Variants in A1CF observed in about 807,000 individuals in gnomAD.
A1CF encodes the protein APOBEC1 complementation factor, also known as APOBEC-1 stimulating protein.
Under a neutral mutation model 68.9 loss-of-function variants are expected in A1CF, and 48 were observed. The observed-to-expected ratio is 0.70, with a 90% CI of 0.55 to 0.89. A1CF has a LOEUF of 0.89. Ranked by LOEUF, A1CF falls within the 40% of genes least tolerant of loss-of-function variation. A1CF has a pLI of 0.00. For missense variants in A1CF, 653 were observed against 718.9 expected (o/e 0.91, Z 1.05); for synonymous variants, 272 against 260.4 (o/e 1.04, Z -0.43).
intron 7 of A1CF, among the ~76,000 whole-genome samples, chr10:50,825,544 C>G (rs940916761): frequency 6.6e-6 from 1 of 152,094 alleles, no homozygotes; most frequent in Non-Finnish European, 1.5e-5. Context: ...CCATGGAGCC[C>G]TTTTATCAGC....
intron 7 of A1CF, among the ~76,000 whole-genome samples, chr10:50,825,495 T>C (rs939799484): frequency 8.5e-5 from 13 of 152,194 alleles, no homozygotes; most frequent in Non-Finnish European, 1.6e-4. Context: ...AAGAAATTCA[T>C]TTAATTTTGC....
chr10:50,876,410 C>T (rs1356239268), intron 1 of A1CF, among the ~76,000 whole-genome samples: 2 of 152,188 alleles, frequency 1.3e-5, no homozygotes, highest in Non-Finnish European at 2.9e-5. Context: ...CTGTCCTTGT[C>T]AACACTGAAG....
At chr10:50,867,230 T>G (rs1057297341) in intron 1 of A1CF, among the ~76,000 whole-genome samples, 8 of 152,074 alleles carry the variant, frequency 5.3e-5, no homozygotes, top group South Asian at 4.1e-4. Flanking sequence ...CATATGTTTA[T>G]AGCAGCAATA....
At chr10:50,844,365 AT>A (rs542239188) in intron 3 of A1CF, among the ~76,000 whole-genome samples, 1,564 of 141,344 alleles carry the variant, frequency 0.011, 36 homozygotes, top group African/African-American at 0.043. Flanking sequence ...CTAGGCAAAT[AT>A]TTTTTTTTTC....
chr10:50,852,011 T>C (rs760103924), intron 3 of A1CF, among the ~76,000 whole-genome samples: 9 of 152,218 alleles, frequency 5.9e-5, no homozygotes, highest in African/African-American at 2.4e-5. Flanking sequence ...TAGTTGCCAA[T>C]CAGTACTCAC....
Position 50,875,941 on chromosome 10 carries a change from C to T in A1CF, c.-94+9640G>A, listed in dbSNP as rs201964847. On this transcript the variant is annotated intron_variant, in intron 1 of 12. Transcript: ENST00000373997. ...CATTCAGTGCCTGCCATGACCTGGT[C>T]GTAACTTGACTTTCCTGATTTTCTT... 1.1e-4 allele frequency among the ~76,000 whole-genome samples: 16 copies of T among 152,316 alleles called. 1 individual carries two copies. The East Asian group carries it at 3.1e-3, about 29-fold the overall frequency.
rs1026057503 is a variant in A1CF at position 50,874,652 on chromosome 10, T to C, written c.-93-10572A>G. On this transcript the variant is annotated intron_variant, in intron 1 of 12. Coordinates refer to ENST00000373997, the MANE Select transcript of A1CF (RefSeq NM_014576.4). ...ATCCCATGCCCCCAAAACTTCACTG[T>C]AATCTGCTCCAACAGAGGTTGTGTC... Among the ~76,000 whole-genome samples the C allele has an allele frequency of 3.3e-5, 5 of 152,246 alleles. No homozygotes were observed. The East Asian group carries it at 7.7e-4, about 23-fold the overall frequency.
At chr10:50,832,140 A>G (rs1839275556) in intron 6 of A1CF, among the ~76,000 whole-genome samples, 1 of 152,220 alleles carries the variant, frequency 6.6e-6, no homozygotes, top group Non-Finnish European at 1.5e-5. Context: ...ATTATTCACA[A>G]TTACCATGGT....
chr10:50,874,092 C>G (rs1314833726), intron 1 of A1CF, among the ~76,000 whole-genome samples: 1 of 151,944 alleles, frequency 6.6e-6, no homozygotes, highest in Non-Finnish European at 1.5e-5. Flanking sequence ...TTTTAAAAAA[C>G]TACATCAAAT....
intron 5 of A1CF, among the ~76,000 whole-genome samples, chr10:50,837,047 C>A (rs1035375802): frequency 5.3e-5 from 8 of 151,714 alleles, no homozygotes; most frequent in Non-Finnish European, 1.0e-4. Context: ...ACCTGACATT[C>A]CTTTTCTTTT....
Position 50,802,768 on chromosome 10 carries a change from T to C in A1CF, c.*3961A>G, listed in dbSNP as rs1564486569. 1 of 152,222 alleles carries C rather than the reference T, an allele frequency of 6.6e-6. No individual in the cohort carries two copies. Among genetic ancestry groups the C allele is most frequent in the Non-Finnish European group, 1.5e-5 (1 of 68,042 alleles). The allele number at this position is 152,222 out of a possible 1,614,324, so 9.4% of individuals were successfully genotyped here. On this transcript the variant is annotated 3_prime_UTR_variant, in exon 13 of 13. Coordinates refer to ENST00000373997, the MANE Select transcript of A1CF (RefSeq NM_014576.4). ...AATTTACCCCGAATATTAACTTGAT[T>C]GCCCTTTATTCTACAAATGGCACAC... is the stretch of plus-strand genomic sequence containing the variant.
chr10:50,877,229 G>A (rs1841553565), intron 1 of A1CF, among the ~76,000 whole-genome samples: 1 of 152,184 alleles, frequency 6.6e-6, no homozygotes, highest in African/African-American at 2.4e-5. Flanking sequence ...CAGCTTAAAA[G>A]CAGTTGATTA....
At chr10:50,832,366 C>G (rs1326049224) in intron 6 of A1CF, among the ~76,000 whole-genome samples, 1 of 152,146 alleles carries the variant, frequency 6.6e-6, no homozygotes, top group East Asian at 1.9e-4. Context: ...CTCTGGACTA[C>G]CTACCCTTCC....
intron 1 of A1CF, among the ~76,000 whole-genome samples, chr10:50,883,261 C>A (rs757971241): frequency 6.6e-6 from 1 of 152,126 alleles, no homozygotes; most frequent in East Asian, 1.9e-4. Context: ...TCTTAAGTAC[C>A]GGGGACCACA....
chr10:50,836,121 T>C lies in A1CF; in HGVS notation c.557A>G (p.Tyr186Cys). The C allele has an allele frequency of 2.5e-6, 4 of 1,613,968 alleles. No individual in the cohort carries two copies. Among genetic ancestry groups the C allele is most frequent in the Non-Finnish European group, 3.4e-6 (4 of 1,179,856 alleles). Residue 186 changes from tyrosine to cysteine, a missense_variant, in exon 6 of 13, where the codon TAT becomes TGT. Transcript: ENST00000373997. ...CATGGCAGCTGCTCGATGACTCTCA[T>C]ACTCCACGAAGGCAAAGCCTCGGTT... is the stretch of plus-strand genomic sequence containing the variant. ...TKNRGFAFVEYESHRAAAMAR... is the reference protein window; with the variant it reads ...TKNRGFAFVECESHRAAAMAR...
chr10:50,848,682 C>T (rs1257769500), intron 3 of A1CF, among the ~76,000 whole-genome samples: 1 of 152,010 alleles, frequency 6.6e-6, no homozygotes, highest in Non-Finnish European at 1.5e-5. Flanking sequence ...GTTTCTTTTT[C>T]TCCCCTCTCT....
chr10:50,838,857 ACT>A lies in A1CF; in HGVS notation c.366-2547_366-2546del, dbSNP rs374248773. On this transcript the variant is annotated intron_variant, in intron 5 of 12. Coordinates refer to ENST00000373997, the MANE Select transcript of A1CF (RefSeq NM_014576.4). ...TCTACCCCCTAATTTTTAAGGTAAC[ACT>A]CTGCCTTTACCTTGCTTCTGGCATC... 3.4e-4 allele frequency among the ~76,000 whole-genome samples: 52 copies of A among 152,020 alleles called. 2 individuals carry two copies. The South Asian group carries it at 9.8e-3, about 29-fold the overall frequency.
intron 3 of A1CF, among the ~76,000 whole-genome samples, chr10:50,849,614 A>C (rs190100141): frequency 2.6e-4 from 40 of 152,256 alleles, no homozygotes; most frequent in Admixed American, 2.4e-3. Context: ...TGTGAGGATG[A>C]TATTAGATGG....
intron 2 of A1CF, among the ~76,000 whole-genome samples, chr10:50,860,472 G>A (rs1251438385): frequency 6.6e-6 from 1 of 152,124 alleles, no homozygotes; most frequent in Non-Finnish European, 1.5e-5. Context: ...AGCAAAATAT[G>A]CCAGTATCAC....
Sources: allele counts gnomAD v4.1 joint callset (sites outside exome capture counted in the v4.1 genomes callset), GRCh38; gene constraint gnomAD v4.1.1; transcripts MANE v1.5; gene names NCBI Gene and HGNC (gene_info 2026-07-23, HGNC 2026-07-21).